Variants in ADAMTSL3 observed in about 807,000 individuals in gnomAD.
The protein encoded by ADAMTSL3 is ADAMTS like 3.
In ADAMTSL3, 128 loss-of-function variants were observed where a neutral mutation model predicts 201.7. The ratio of observed to expected loss-of-function variants is 0.63; its 90% CI spans 0.55 to 0.73. The LOEUF (loss-of-function observed/expected upper bound fraction) is 0.73, where lower values mean the gene tolerates loss of function less well. ADAMTSL3 is among the 30% of genes least tolerant of loss of function. The pLI is 0.00. For synonymous variants in ADAMTSL3, 738 were observed against 748.4 expected, an observed-to-expected ratio of 0.99 and a Z score of 0.23; for missense variants, 1,990 against 2,119.6, an observed-to-expected ratio of 0.94 and a Z score of 1.20.
chr15:83,695,245 T>TGTATGTAGTGTGTGGTATGTG (rs1340735045), intron 2 of ADAMTSL3, among the ~76,000 whole-genome samples: 1 of 41,772 alleles, frequency 2.4e-5, no homozygotes, highest in Admixed American at 2.1e-4. Flanking sequence ...TGTGTGTGTG[T>TGTATGTAGTGTGTGGTATGTG]GTGTGTGTGT....
intron 23 of ADAMTSL3, among the ~76,000 whole-genome samples, chr15:83,998,694 C>G (rs766605913): frequency 6.6e-6 from 1 of 152,164 alleles, no homozygotes; most frequent in Admixed American, 6.5e-5. Context: ...TTCTAGATGT[C>G]TGGATGCCAG....
chr15:83,750,730 T>G (rs1013961822), intron 3 of ADAMTSL3, among the ~76,000 whole-genome samples: 5 of 152,148 alleles, frequency 3.3e-5, no homozygotes, highest in Non-Finnish European at 7.3e-5. Context: ...TTTTGTATTT[T>G]TAGTAGAGAC....
chr15:83,768,583 A>G (rs987578453), intron 3 of ADAMTSL3, among the ~76,000 whole-genome samples: 3 of 152,196 alleles, frequency 2.0e-5, no homozygotes, highest in Non-Finnish European at 4.4e-5. Context: ...CGTAGAAGGA[A>G]CTAGGAGGCC....
At chr15:83,885,059 C>T in intron 9 of ADAMTSL3, 42 bp from the exon 10 acceptor site, 1 of 1,362,754 alleles carries the variant, frequency 7.3e-7, no homozygotes, top group Non-Finnish European at 1.0e-6. Context: ...AAAGCACTAG[C>T]TCCTTGTTTG....
chr15:83,961,627 G>A (rs1055842629), intron 19 of ADAMTSL3: 1 of 152,142 alleles, frequency 6.6e-6, no homozygotes, highest in Non-Finnish European at 1.5e-5. Flanking sequence ...CTAAAGAAAA[G>A]CAAGCATGAC....
rs1177056805 is a variant in ADAMTSL3, at chr15:83,850,161, C to CGGG, written c.728-8605_728-8604insGGG. On this transcript the variant is annotated intron_variant, in intron 7 of 29. Coordinates refer to ENST00000286744, the MANE Select transcript of ADAMTSL3 (RefSeq NM_207517.3). Reference sequence around the variant, plus strand: ...AAGAGACCTCGCCCTGCAGCTGCACCCATCCATTCCCTGCTTCCTCCCGCT... The same window carrying CGGG: ...AAGAGACCTCGCCCTGCAGCTGCACCGGGCATCCATTCCCTGCTTCCTCCCGCT... Among the ~76,000 whole-genome samples, 4 of 152,008 alleles carry CGGG rather than the reference C, an allele frequency of 2.6e-5. No individual in the cohort carries two copies. The East Asian group carries it at 5.8e-4, about 22-fold the overall frequency.
chr15:83,658,654 G>A (rs989214859), intron 2 of ADAMTSL3, among the ~76,000 whole-genome samples: 1 of 152,190 alleles, frequency 6.6e-6, no homozygotes, highest in African/African-American at 2.4e-5. Context: ...TTAGGGATCT[G>A]ATTTTCCCAG....
intron 12 of ADAMTSL3, 100 bp downstream of exon 12, chr15:83,891,479 A>G (rs2065497488): frequency 2.0e-6 from 2 of 1,000,502 alleles, no homozygotes; most frequent in Non-Finnish European, 3.1e-6. Flanking sequence ...GTTAGATATT[A>G]AATACTTTAT....
chr15:83,677,337 C>T (rs2061420763), intron 2 of ADAMTSL3, among the ~76,000 whole-genome samples: 1 of 152,090 alleles, frequency 6.6e-6, no homozygotes. Context: ...TGCTGATTTT[C>T]TATCTAGTTA....
rs778420660 is a variant in ADAMTSL3, at chr15:83,913,141, G to T, written c.1750G>T (p.Val584Leu). The T allele has an allele frequency of 6.2e-7, 1 of 1,614,130 alleles. No homozygotes were observed. Reference protein sequence around the residue: ...SACSTTCGPGVQVREVKCRVL... With the variant: ...SACSTTCGPGLQVREVKCRVL... The stretch of plus-strand genomic sequence containing the variant: ...CTGCAGTACCACGTGTGGGCCGGGT[G>T]TGCAGGTCCGTGAGGTGAAGTGCCG... Residue 584 changes from valine (V) to leucine (L), a missense_variant, in exon 16 of 30, where the codon GTG becomes TTG. Physicochemically the swap from Val to Leu is conservative, Grantham distance 32. Coordinates refer to ENST00000286744, the MANE Select transcript of ADAMTSL3 (RefSeq NM_207517.3).
At chr15:83,887,599 A>G (rs1171900499) in intron 10 of ADAMTSL3, among the ~76,000 whole-genome samples, 1 of 152,190 alleles carries the variant, frequency 6.6e-6, no homozygotes, top group Non-Finnish European at 1.5e-5. Context: ...GCAGAAAAAC[A>G]AACATTTCTC....
intron 3 of ADAMTSL3, among the ~76,000 whole-genome samples, chr15:83,743,310 G>A (rs1307362370): frequency 6.6e-6 from 1 of 151,820 alleles, no homozygotes; most frequent in South Asian, 2.1e-4. Flanking sequence ...TCAGGAGATC[G>A]AGACCATCCT....
rs962860049 is a variant in ADAMTSL3 at position 83,943,069 on chromosome 15, G to A, written c.2477G>A (p.Gly826Glu). 2 of 1,610,944 alleles carry A rather than the reference G, an allele frequency of 1.2e-6. No homozygotes were observed. The highest frequency in any genetic ancestry group is 1.7e-6 in the Non-Finnish European group (2 of 1,178,962). ...RTDCPPHLAVGDWSKCSVSCG... is the reference protein window; with the variant it reads ...RTDCPPHLAVEDWSKCSVSCG... ...GACTGTCCTCCACATTTAGCTGTGG[G>A]AGACTGGTCGAAGGTAAGGGCCAGG... Residue 826 changes from glycine (G) to glutamate (E), a missense_variant, in exon 19 of 30, where the codon GGA becomes GAA. Transcript: ENST00000286744.
chr15:84,017,668 A>G (rs1176535407), intron 25 of ADAMTSL3, among the ~76,000 whole-genome samples: 2 of 152,248 alleles, frequency 1.3e-5, no homozygotes, highest in African/African-American at 4.8e-5. Flanking sequence ...TACTTATGAC[A>G]TCATTCTCTT....
At chr15:84,026,596 G>A (rs1464654182) in intron 27 of ADAMTSL3, among the ~76,000 whole-genome samples, 2 of 152,130 alleles carry the variant, frequency 1.3e-5, no homozygotes, top group Non-Finnish European at 2.9e-5. Context: ...ACATAGGATG[G>A]ACATATAGAT....
chr15:83,706,912 G>A (rs1460521412), intron 3 of ADAMTSL3, among the ~76,000 whole-genome samples: 1 of 152,068 alleles, frequency 6.6e-6, no homozygotes, highest in African/African-American at 2.4e-5. Flanking sequence ...CAAGCGATCT[G>A]CTCTCCTCGG....
chr15:83,720,760 T>C (rs1409536820), intron 3 of ADAMTSL3, among the ~76,000 whole-genome samples: 2 of 152,248 alleles, frequency 1.3e-5, no homozygotes, highest in African/African-American at 2.4e-5. Flanking sequence ...CTATTTTGTG[T>C]TCTAACTTGA....
intron 19 of ADAMTSL3, among the ~76,000 whole-genome samples, chr15:83,963,780 G>T (rs1344587655): frequency 6.6e-6 from 1 of 152,176 alleles, no homozygotes; most frequent in Non-Finnish European, 1.5e-5. Flanking sequence ...TCTGGCAGGT[G>T]CCCCTCTGGG....
At position 83,988,769 on chromosome 15, in the gene ADAMTSL3, A is replaced by G; in HGVS notation, c.3795A>G (p.Val1265=). Residue 1265 remains valine (V), a synonymous_variant, in exon 22 of 30, where the codon GTA becomes GTG. Transcript: ENST00000286744. ...RKEQGIYECS[V]ANHLGSDVES... ...AACAAGGCATATATGAATGTTCTGTAGCTAATCATCTTGGTTCAGATGTGG... is the reference window on the plus strand; with the variant it reads ...AACAAGGCATATATGAATGTTCTGTGGCTAATCATCTTGGTTCAGATGTGG... The G allele has an allele frequency of 6.2e-7, 1 of 1,609,096 alleles. No homozygotes were observed. Among genetic ancestry groups the G allele is most frequent in the East Asian group, 2.2e-5 (1 of 44,844 alleles).
Sources: allele counts gnomAD v4.1 joint callset (sites outside exome capture counted in the v4.1 genomes callset), GRCh38; gene constraint gnomAD v4.1.1; transcripts MANE v1.5; gene names NCBI Gene and HGNC (gene_info 2026-07-23, HGNC 2026-07-21).